The following TXNDC16 variants were observed in gnomAD, a reference collection of about 807,000 sequenced individuals.
TXNDC16 encodes the protein thioredoxin domain containing 16, also known as thioredoxin domain-containing protein 16.
TXNDC16 carries 74 observed loss-of-function variants against 85.6 expected under a neutral mutation model. The ratio of observed to expected loss-of-function variants is 0.86; its 90% CI spans 0.72 to 1.05. The LOEUF is 1.05. TXNDC16 is among the 50% of genes least tolerant of loss of function. The probability of loss-of-function intolerance (pLI) is 0.00; values close to 1 mark genes in which losing one functional copy is unlikely to be tolerated. For missense variants in TXNDC16, 959 were observed against 947.0 expected (o/e 1.01, Z -0.17); for synonymous variants, 335 against 326.5 (o/e 1.03, Z -0.28).
intron 16 of TXNDC16, among the ~76,000 whole-genome samples, chr14:52,460,535 T>C (rs1307094831): frequency 6.6e-6 from 1 of 152,224 alleles, no homozygotes; most frequent in Non-Finnish European, 1.5e-5. Flanking sequence ...CTTTTGGATG[T>C]TGCAGGGGCC....
At chr14:52,441,895 CTCTCTCTTTCTAT>C (rs1270666895) in intron 18 of TXNDC16, among the ~76,000 whole-genome samples, 8 of 152,134 alleles carry the variant, frequency 5.3e-5, no homozygotes, top group Non-Finnish European at 1.2e-4. Flanking sequence ...TGTCTATCCT[CTCTCTCTTTCTAT>C]TCTCTCTTTC....
intron 6 of TXNDC16, among the ~76,000 whole-genome samples, chr14:52,521,320 A>G (rs996974236): frequency 1.4e-5 from 2 of 143,636 alleles, no homozygotes; most frequent in South Asian, 4.4e-4. Context: ...ATGGAGTTTC[A>G]CCATATTGGC....
intron 16 of TXNDC16, among the ~76,000 whole-genome samples, chr14:52,468,448 A>C (rs557202698): frequency 6.6e-6 from 1 of 152,344 alleles, no homozygotes; most frequent in South Asian, 2.1e-4. Context: ...GTGATATACA[A>C]AATTATCATT....
At chr14:52,498,274 C>G (rs1216209055) in intron 9 of TXNDC16, among the ~76,000 whole-genome samples, 1 of 152,072 alleles carries the variant, frequency 6.6e-6, no homozygotes, top group Non-Finnish European at 1.5e-5. Context: ...TTTTATTCAA[C>G]ATAGAACTGA....
At chr14:52,524,235 C>T (rs189307840) in intron 6 of TXNDC16, among the ~76,000 whole-genome samples, 6 of 152,318 alleles carry the variant, frequency 3.9e-5, no homozygotes, top group Middle Eastern at 3.4e-3. Context: ...TCAATCCTTA[C>T]GCTCTGCAAT....
chr14:52,521,014 T>G (rs2037196540), intron 6 of TXNDC16, among the ~76,000 whole-genome samples: 1 of 152,096 alleles, frequency 6.6e-6, no homozygotes, highest in South Asian at 2.1e-4. Flanking sequence ...TTATTAACTC[T>G]TTTAAAAATA....
chr14:52,496,418 C>CTT lies in TXNDC16; in HGVS notation c.757-5415_757-5414dup, dbSNP rs200696407. ...GGCCTAGGTCTGCCCTCCAACTCGT[C>CTT]TTTTTTTTTTTTTTTTTTTAAAGCC... On this transcript the variant is annotated intron_variant, in intron 9 of 20. Transcript: ENST00000281741. 7.1e-3 allele frequency among the ~76,000 whole-genome samples: 918 copies of CTT among 130,176 alleles called. 13 individuals are homozygous for CTT. Among genetic ancestry groups the CTT allele is most frequent in the African/African-American group, 0.024 (842 of 35,568 alleles). The allele number at this position is 130,176 out of a possible 152,430, so 85.4% of individuals were successfully genotyped here.
intron 18 of TXNDC16, among the ~76,000 whole-genome samples, chr14:52,446,356 C>T (rs2035284007): frequency 6.6e-6 from 1 of 152,170 alleles, no homozygotes; most frequent in Non-Finnish European, 1.5e-5. Flanking sequence ...TGCATGCTCG[C>T]CCACAGTGGG....
At position 52,451,263 on chromosome 14, in the gene TXNDC16, TA is replaced by T. The variant is rs577968352; in HGVS notation, c.1842+4060del. 4.7e-3 allele frequency among the ~76,000 whole-genome samples: 648 copies of T among 136,824 alleles called. 3 individuals are homozygous for T. Among genetic ancestry groups the T allele is most frequent in the African/African-American group, 0.011 (397 of 37,508 alleles). The allele number at this position is 136,824 out of a possible 152,430, so 89.8% of individuals were successfully genotyped here. A position where few individuals can be genotyped will look rare whatever the true frequency, so the allele number is the denominator to read the frequency against. On this transcript the variant is annotated intron_variant, in intron 18 of 20. Transcript: ENST00000281741. ...TGTTCCCCAATAACCTATTGAAATT[TA>T]AAAAAAAAAAAAACATGAATACTAA...
intron 16 of TXNDC16, among the ~76,000 whole-genome samples, chr14:52,458,464 T>C (rs2035583061): frequency 6.6e-6 from 1 of 152,030 alleles, no homozygotes; most frequent in African/African-American, 2.4e-5. Context: ...GGCTGAGGCA[T>C]GAGAATCGCT....
At chr14:52,479,570 C>G (rs542279568) in intron 14 of TXNDC16, among the ~76,000 whole-genome samples, 5 of 139,824 alleles carry the variant, frequency 3.6e-5, no homozygotes, top group Non-Finnish European at 7.9e-5. Context: ...ACAATAGCTG[C>G]AAAAAAAAAA....
intron 6 of TXNDC16, among the ~76,000 whole-genome samples, chr14:52,530,165 TA>T (rs2037470873): frequency 1.1e-5 from 1 of 88,402 alleles, no homozygotes; most frequent in Non-Finnish European, 1.9e-5. Context: ...AATTTATATA[TA>T]TTATATTATA....
chr14:52,500,593 T>C (rs1483852256), intron 9 of TXNDC16, among the ~76,000 whole-genome samples: 1 of 152,184 alleles, frequency 6.6e-6, no homozygotes, highest in Non-Finnish European at 1.5e-5. Context: ...GTGATGAGGG[T>C]AATCTTACAC....
Position 52,537,792 on chromosome 14 carries a change from G to A in TXNDC16, c.244-120C>T. 4 of 618,936 alleles carry A rather than the reference G, an allele frequency of 6.5e-6. No individual in the cohort carries two copies. In the East Asian group the frequency reaches 1.1e-4, roughly 18 times the overall value. The allele number at this position is 618,936 out of a possible 1,614,324, so 38.3% of individuals were successfully genotyped here. A position where few individuals can be genotyped will look rare whatever the true frequency, so the allele number is the denominator to read the frequency against. ...TTGCAGGTCAAATTTTGTATTTTAT[G>A]TTTTTTTCTGATTTGTATGCTATAA... On this transcript the variant is annotated intron_variant, in intron 4 of 20. Coordinates refer to ENST00000281741, the MANE Select transcript of TXNDC16 (RefSeq NM_020784.3).
At chr14:52,494,781 A>G (rs908648132) in intron 9 of TXNDC16, among the ~76,000 whole-genome samples, 2 of 152,248 alleles carry the variant, frequency 1.3e-5, no homozygotes, top group Non-Finnish European at 2.9e-5. Context: ...CTTTCAAATG[A>G]TATTTCAGAT....
chr14:52,545,645 C>T (rs961959566), intron 1 of TXNDC16, among the ~76,000 whole-genome samples: 1 of 152,060 alleles, frequency 6.6e-6, no homozygotes, highest in African/African-American at 2.4e-5. Flanking sequence ...TTTCAACTTT[C>T]GCAAAACCAA....
intron 4 of TXNDC16, among the ~76,000 whole-genome samples, chr14:52,538,433 C>A (rs1050175522): frequency 6.6e-6 from 1 of 152,070 alleles, no homozygotes; most frequent in African/African-American, 2.4e-5. Flanking sequence ...ACAATCTTGG[C>A]AACAACATGA....
chr14:52,489,463 T>C (rs2036351026), intron 11 of TXNDC16, among the ~76,000 whole-genome samples: 1 of 152,186 alleles, frequency 6.6e-6, no homozygotes, highest in Non-Finnish European at 1.5e-5. Context: ...ATGTTTGTTC[T>C]TTGCTATCAC....
chr14:52,508,696 C>G (rs370548763), intron 9 of TXNDC16, among the ~76,000 whole-genome samples: 71 of 152,232 alleles, frequency 4.7e-4, no homozygotes, highest in Non-Finnish European at 8.8e-4. Context: ...ACTGGATTAA[C>G]AAAATGTGGC....
Sources: gnomAD v4.1 joint callset for allele counts (sites outside exome capture counted in the v4.1 genomes callset) on GRCh38, gnomAD v4.1.1 for gene constraint, MANE v1.5 for transcripts, NCBI Gene and HGNC (gene_info 2026-07-23, HGNC 2026-07-21) for gene names.